The following ZNF90 variants were observed in gnomAD, a reference collection of about 807,000 sequenced individuals.
ZNF90 encodes zinc finger protein 90.
In ZNF90, 11 loss-of-function variants were observed where a neutral mutation model predicts 12.0. The ratio of observed to expected loss-of-function variants is 0.92; its 90% CI spans 0.58 to 1.52. The LOEUF is 1.52. ZNF90 is among the 40% of genes most tolerant of loss of function. ZNF90 has a pLI of 0.00. For synonymous variants in ZNF90, 232 were observed against 240.1 expected (o/e 0.97, Z 0.31); for missense variants, 765 against 711.5 (o/e 1.08, Z -0.86).
intron 1 of ZNF90, among the ~76,000 whole-genome samples, chr19:20,102,727 A>G (rs1555704004): frequency 1.3e-5 from 2 of 152,190 alleles, no homozygotes. Flanking sequence ...GTCCTTAGTT[A>G]AGATGGAGAA....
intron 3 of ZNF90, among the ~76,000 whole-genome samples, chr19:20,106,478 G>A (rs1424021336): frequency 1.3e-5 from 2 of 151,890 alleles, no homozygotes; most frequent in East Asian, 1.9e-4. Flanking sequence ...TTTTTGAGAC[G>A]GAGTCTTGCT....
rs149678958 is a variant in ZNF90 at position 20,118,068 on chromosome 19, C to A, written c.514C>A (p.Pro172Thr). 8 of 1,613,110 alleles carry A rather than the reference C, an allele frequency of 5.0e-6. No homozygotes were observed. Among genetic ancestry groups the A allele is most frequent in the East Asian group, 4.5e-5 (2 of 44,844 alleles). Reference protein sequence around the residue: ...RHKIRDTGKKPFKCIECGKAF... With the variant: ...RHKIRDTGKKTFKCIECGKAF... ...TAAGATAAGAGATACTGGAAAAAAACCTTTCAAATGTATAGAATGTGGCAA... is the reference window on the plus strand; with the variant it reads ...TAAGATAAGAGATACTGGAAAAAAAACTTTCAAATGTATAGAATGTGGCAA... The change falls in exon 4 of 4, where the codon CCT becomes ACT. Residue 172 changes from proline to threonine, a missense_variant. Physicochemically the swap from Pro to Thr is conservative, Grantham distance 38. Coordinates refer to ENST00000418063, the MANE Select transcript of ZNF90 (RefSeq NM_007138.2).
rs1353051647 is a variant in ZNF90, at chr19:20,120,906, GAT to G, written c.*1549_*1550del. On this transcript the variant is annotated 3_prime_UTR_variant, in exon 4 of 4. Coordinates refer to ENST00000418063, the MANE Select transcript of ZNF90 (RefSeq NM_007138.2). ...TGTGATCAATTGATGCTGCATCAGAGATATTACAGATTCTTTATTGGGCATTC... is the reference window on the plus strand; with the variant it reads ...TGTGATCAATTGATGCTGCATCAGAGATTACAGATTCTTTATTGGGCATTC... The G allele has an allele frequency of 1.3e-5, 2 of 152,224 alleles. No individual in the cohort carries two copies. The highest frequency in any genetic ancestry group is 4.8e-5 in the African/African-American group (2 of 41,428). The allele number at this position is 152,224 out of a possible 1,614,324, so 9.4% of individuals were successfully genotyped here.
In ZNF90 at chr19:20,119,499, A is replaced by G. The variant is rs1428117714; in HGVS notation, c.*139A>G. On this transcript the variant is annotated 3_prime_UTR_variant, in exon 4 of 4. Coordinates refer to ENST00000418063, the MANE Select transcript of ZNF90 (RefSeq NM_007138.2). ...AATTTATATGAAACATAACTCCTAC[A>G]AAAATAAAGAATGTGACAAATCATT... 7 of 744,354 alleles carry G rather than the reference A, an allele frequency of 9.4e-6. No homozygotes were observed. Among genetic ancestry groups the G allele is most frequent in the East Asian group, 5.4e-5 (2 of 36,886 alleles). 46.1% of individuals were successfully genotyped at this position (744,354 alleles called of 1,614,324 possible).
chr19:20,110,149 G>A (rs2089074357), intron 3 of ZNF90, among the ~76,000 whole-genome samples: 1 of 152,174 alleles, frequency 6.6e-6, no homozygotes, highest in Non-Finnish European at 1.5e-5. Context: ...TCCATTGTAT[G>A]TATATGTTAC....
rs1555706388 is a variant in ZNF90, at chr19:20,119,850, C to T, written c.*490C>T. The T allele has an allele frequency of 6.4e-6, 1 of 155,916 alleles. No individual in the cohort carries two copies. The highest frequency in any genetic ancestry group is 2.4e-5 in the African/African-American group (1 of 41,436). The allele number at this position is 155,916 out of a possible 1,614,324, so 9.7% of individuals were successfully genotyped here. A position where few individuals can be genotyped will look rare whatever the true frequency, so the allele number is the denominator to read the frequency against. ...TCACACACCTTGGCCTCCTAAAATG[C>T]TGGGATTACAGTCATGAGCATCCAT... On this transcript the variant is annotated 3_prime_UTR_variant, in exon 4 of 4. Coordinates refer to ENST00000418063, the MANE Select transcript of ZNF90 (RefSeq NM_007138.2).
chr19:20,103,462 G>T (rs190310996), intron 1 of ZNF90, among the ~76,000 whole-genome samples: 1 of 152,212 alleles, frequency 6.6e-6, no homozygotes, highest in East Asian at 1.9e-4. Flanking sequence ...TCTTCTGTGC[G>T]CATTAGCACA....
Position 20,118,316 on chromosome 19 carries a change from G to C in ZNF90, c.762G>C (p.Glu254Asp). The C allele has an allele frequency of 6.4e-7, 1 of 1,562,832 alleles. No homozygotes were observed. Among genetic ancestry groups the C allele is most frequent in the South Asian group, 1.2e-5 (1 of 85,568 alleles). Residue 254 changes from glutamate (E) to aspartate (D), a missense_variant, in exon 4 of 4, where the codon GAG becomes GAC. Transcript: ENST00000418063. ...CACATAAGAGAATTCATACTGGAGA[G>C]AAACGGTACAAATGTGAAGATTGTG... ...LTAHKRIHTG[E>D]KRYKCEDCGK...
Position 20,104,359 on chromosome 19 carries a change from T to C in ZNF90, c.124T>C (p.Phe42Leu). 2 of 1,612,860 alleles carry C rather than the reference T, an allele frequency of 1.2e-6. No homozygotes were observed. Among genetic ancestry groups the C allele is most frequent in the Non-Finnish European group, 1.7e-6 (2 of 1,179,538 alleles). The part of the protein sequence containing the change: ...VMLENYRHLV[F>L]LGIVVTKPDL... Reference sequence around the variant, plus strand: ...GTTAGAGAACTACAGACACCTGGTCTTCCTTGGTGAGGATAAGTGGAATAC... The same window carrying C: ...GTTAGAGAACTACAGACACCTGGTCCTCCTTGGTGAGGATAAGTGGAATAC... Residue 42 changes from phenylalanine (F) to leucine (L), a missense_variant, in exon 2 of 4, where the codon TTC becomes CTC. Phe to Leu is a conservative substitution (Grantham distance 22). Coordinates refer to ENST00000418063, the MANE Select transcript of ZNF90 (RefSeq NM_007138.2).
At chr19:20,092,058 G>C (rs1555702788) in intron 1 of ZNF90, among the ~76,000 whole-genome samples, 1 of 152,104 alleles carries the variant, frequency 6.6e-6, no homozygotes, top group Non-Finnish European at 1.5e-5. Context: ...GTGAATGTCA[G>C]GTGGATCAGA....
chr19:20,078,019 C>A lies in ZNF90; in HGVS notation c.-114C>A. 1 of 1,378,682 alleles carries A rather than the reference C, an allele frequency of 7.3e-7. No homozygotes were observed. Among genetic ancestry groups the A allele is most frequent in the Non-Finnish European group, 1.0e-6 (1 of 966,720 alleles). 85.4% of individuals were successfully genotyped at this position (1,378,682 alleles called of 1,614,324 possible). A position where few individuals can be genotyped will look rare whatever the true frequency, so the allele number is the denominator to read the frequency against. On this transcript the variant is annotated 5_prime_UTR_variant, in exon 1 of 4. In the 5' UTR this introduces an upstream ATG that the reference lacks. Coordinates refer to ENST00000418063, the MANE Select transcript of ZNF90 (RefSeq NM_007138.2). ...CGCGGCCATTTGTCTCTTGCTGCAG[C>A]TGGTGCTCCAAATCTGGTCTTAGCT...
chr19:20,081,597 T>C (rs567141004), intron 1 of ZNF90, among the ~76,000 whole-genome samples: 1 of 152,320 alleles, frequency 6.6e-6, no homozygotes, highest in East Asian at 1.9e-4. Context: ...ATTTTCTCCA[T>C]CAACCTAAAG....
chr19:20,102,724 G>A (rs547346193), intron 1 of ZNF90, among the ~76,000 whole-genome samples: 1 of 152,250 alleles, frequency 6.6e-6, no homozygotes, highest in South Asian at 2.1e-4. Context: ...GTGGTCCTTA[G>A]TTAAGATGGA....
chr19:20,107,159 A>G (rs1555704582), intron 3 of ZNF90: 3 of 377,928 alleles, frequency 7.9e-6, no homozygotes, highest in Non-Finnish European at 1.6e-5. Context: ...TGAGTCATTG[A>G]ACCGCTTCAG....
At chr19:20,113,874 AT>A (rs1324490731) in intron 3 of ZNF90, among the ~76,000 whole-genome samples, 2 of 152,098 alleles carry the variant, frequency 1.3e-5, no homozygotes, top group African/African-American at 4.8e-5. Flanking sequence ...AATCTATCTT[AT>A]TTTTGTGTGT....
chr19:20,089,857 G>C (rs147752623), intron 1 of ZNF90, among the ~76,000 whole-genome samples: 2,894 of 152,238 alleles, frequency 0.019, 94 homozygotes, highest in African/African-American at 0.066. Context: ...AAATGCAAAG[G>C]CAGCAGTTGT....
rs1280655235 is a variant in ZNF90 at position 20,120,047 on chromosome 19, TC to T, written c.*689del. On this transcript the variant is annotated 3_prime_UTR_variant, in exon 4 of 4. Transcript: ENST00000418063. ...TAGAAATAATAGAAAATTTGACAAA[TC>T]CTTTATATGGTTGCAAGACTTGATT... 6.6e-6 allele frequency among the ~76,000 whole-genome samples: 1 copy of T among 152,104 alleles called. No individual in the cohort carries two copies. Among genetic ancestry groups the T allele is most frequent in the Non-Finnish European group, 1.5e-5 (1 of 68,008 alleles).
Position 20,121,012 on chromosome 19 carries a change from G to A in ZNF90, c.*1652G>A, listed in dbSNP as rs1393821381. 1 of 153,048 alleles carries A rather than the reference G, an allele frequency of 6.5e-6. No individual in the cohort carries two copies. The highest frequency in any genetic ancestry group is 2.0e-4 in the South Asian group (1 of 4,984). The allele number at this position is 153,048 out of a possible 1,614,324, so 9.5% of individuals were successfully genotyped here. A position where few individuals can be genotyped will look rare whatever the true frequency, so the allele number is the denominator to read the frequency against. Reference sequence around the variant, plus strand: ...GAAAATATAAGTGGACAGGCTGTTCGTATTTGACCTATATTAAGTAATGTA... The same window carrying A: ...GAAAATATAAGTGGACAGGCTGTTCATATTTGACCTATATTAAGTAATGTA... On this transcript the variant is annotated 3_prime_UTR_variant, in exon 4 of 4. Coordinates refer to ENST00000418063, the MANE Select transcript of ZNF90 (RefSeq NM_007138.2).
Position 20,118,246 on chromosome 19 carries a change from G to A in ZNF90, c.692G>A (p.Cys231Tyr), listed in dbSNP as rs1555705968. The change falls in exon 4 of 4, where the codon TGT becomes TAT. Residue 231 changes from cysteine to tyrosine, a missense_variant. Coordinates refer to ENST00000418063, the MANE Select transcript of ZNF90 (RefSeq NM_007138.2). ...RIHTGEKRYK[C>Y]EDCGKELKYS... ...CATACTGGAGAGAAACGGTACAAAT[G>A]TGAAGATTGTGGCAAAGAATTAAAG... 7.0e-6 allele frequency: 11 copies of A among 1,567,866 alleles called. No individual in the cohort carries two copies. The highest frequency in any genetic ancestry group is 1.4e-5 in the African/African-American group (1 of 73,518).
Sources: allele counts gnomAD v4.1 joint callset (sites outside exome capture counted in the v4.1 genomes callset), GRCh38; gene constraint gnomAD v4.1.1; transcripts MANE v1.5; gene names NCBI Gene and HGNC (gene_info 2026-07-23, HGNC 2026-07-21).